AGBL1: variants seen among roughly 807,000 people sequenced by gnomAD.
AGBL1 encodes cytosolic carboxypeptidase 4.
AGBL1 carries 130 observed loss-of-function variants against 118.9 expected under a neutral mutation model. The observed-to-expected ratio is 1.09, with a 90% CI of 0.95 to 1.26. The LOEUF is 1.26. Among genes scored for constraint, AGBL1 ranks in the 50% most tolerant of loss-of-function variants. The pLI is 0.00. For synonymous variants in AGBL1, 555 were observed against 478.9 expected, an observed-to-expected ratio of 1.16 and a Z score of -2.08; for missense variants, 1,584 against 1,298.1, an observed-to-expected ratio of 1.22 and a Z score of -3.38.
rs553665767 is a variant in AGBL1 at position 86,303,350 on chromosome 15, AGGGAG to A, written c.2374+7946_2374+7950del. Among the ~76,000 whole-genome samples the A allele has an allele frequency of 3.9e-5, 6 of 152,224 alleles. No individual in the cohort carries two copies. The South Asian group carries it at 1.2e-3, about 32-fold the overall frequency. ...AGGAAGATAGGTCTAGGGAAATGGG[AGGGAG>A]GGGCCTAAATTTAAGAGATGTGTCT... On this transcript the variant is annotated intron_variant, in intron 17 of 22. Coordinates refer to ENST00000614907, the MANE Select transcript of AGBL1 (RefSeq NM_001386094.1).
intron 5 of AGBL1, among the ~76,000 whole-genome samples, chr15:86,171,204 A>G (rs1285685196): frequency 1.3e-5 from 2 of 152,220 alleles, no homozygotes; most frequent in African/African-American, 2.4e-5. Flanking sequence ...TCAAAAGACC[A>G]AGGAGCACTA....
intron 17 of AGBL1, chr15:86,296,103 T>A (rs141790514): frequency 6.6e-6 from 1 of 151,740 alleles, no homozygotes; most frequent in African/African-American, 2.4e-5. Flanking sequence ...CACACAAACA[T>A]CTTTAAATGT....
intron 5 of AGBL1, among the ~76,000 whole-genome samples, chr15:86,166,401 T>A (rs2077342506): frequency 6.6e-6 from 1 of 152,204 alleles, no homozygotes; most frequent in Non-Finnish European, 1.5e-5. Context: ...GCCTTTATAA[T>A]GCCTTTCTCA....
chr15:86,498,969 T>C (rs1454299631), intron 18 of AGBL1, among the ~76,000 whole-genome samples: 1 of 151,850 alleles, frequency 6.6e-6, no homozygotes, highest in African/African-American at 2.4e-5. Context: ...GAAAAGGGGA[T>C]TTGGTGCAAC....
intron 5 of AGBL1, among the ~76,000 whole-genome samples, chr15:86,202,726 C>T (rs1369007008): frequency 6.6e-6 from 1 of 152,174 alleles, no homozygotes; most frequent in African/African-American, 2.4e-5. Flanking sequence ...GGAGCTGGGT[C>T]ACCATACTGG....
At chr15:86,573,375 A>G (rs1406742397) in intron 21 of AGBL1, among the ~76,000 whole-genome samples, 3 of 152,252 alleles carry the variant, frequency 2.0e-5, no homozygotes, top group Non-Finnish European at 4.4e-5. Context: ...TTAAGTAAGC[A>G]ATAACAGCAG....
chr15:86,703,671 C>G lies in AGBL1; in HGVS notation c.3158+29235C>G, dbSNP rs117719020. Among the ~76,000 whole-genome samples the G allele has an allele frequency of 1.7e-3, 266 of 152,098 alleles. 4 individuals are homozygous for G. In the East Asian group the frequency reaches 0.022, roughly 13 times the overall value. ...GATGGTTTTTTCCCATGCTGTTCTT[C>G]TGCTAGTGAATAAATCTCATGAGAT... On this transcript the variant is annotated intron_variant, in intron 22 of 22. Transcript: ENST00000614907.
At chr15:86,924,860 A>C (rs2080514770) in intron 23 of AGBL1, among the ~76,000 whole-genome samples, 1 of 151,922 alleles carries the variant, frequency 6.6e-6, no homozygotes, top group Non-Finnish European at 1.5e-5. Flanking sequence ...TGGATCACAA[A>C]GTCAGGAGAT....
At chr15:86,791,206 C>T (rs2141330053) in intron 22 of AGBL1, among the ~76,000 whole-genome samples, 1 of 152,296 alleles carries the variant, frequency 6.6e-6, no homozygotes, top group South Asian at 2.1e-4. Flanking sequence ...CTTTAGTAAG[C>T]TACTTAGGTC....
At chr15:86,847,808 G>A (rs2141451721) in intron 22 of AGBL1, among the ~76,000 whole-genome samples, 1 of 152,292 alleles carries the variant, frequency 6.6e-6, no homozygotes, top group Non-Finnish European at 1.5e-5. Flanking sequence ...TACCTTAAAT[G>A]TGTGCACAGC....
At chr15:86,787,082 A>T (rs1400087091) in intron 22 of AGBL1, among the ~76,000 whole-genome samples, 2 of 152,192 alleles carry the variant, frequency 1.3e-5, no homozygotes, top group Non-Finnish European at 2.9e-5. Flanking sequence ...TTTTGTACTA[A>T]TCAAATATTT....
Position 86,912,772 on chromosome 15 carries a change from C to T in AGBL1, c.*5478C>T, listed in dbSNP as rs1339583623. On this transcript the variant is annotated 3_prime_UTR_variant, in exon 23 of 23. Coordinates refer to ENST00000614907, the MANE Select transcript of AGBL1 (RefSeq NM_001386094.1). ...CAGAAGAATGACTCGCATGGTGGAT[C>T]TCAGCATTTGGATTTGCATTAAAAT... 6.6e-6 allele frequency: 1 copy of T among 152,186 alleles called. No homozygotes were observed. The highest frequency in any genetic ancestry group is 1.5e-5 in the Non-Finnish European group (1 of 68,060). 9.4% of individuals were successfully genotyped at this position (152,186 alleles called of 1,614,324 possible). A position where few individuals can be genotyped will look rare whatever the true frequency, so the allele number is the denominator to read the frequency against.
At chr15:86,682,570 C>T (rs1233050540) in intron 22 of AGBL1, among the ~76,000 whole-genome samples, 1 of 151,994 alleles carries the variant, frequency 6.6e-6, no homozygotes, top group African/African-American at 2.4e-5. Flanking sequence ...TCATTTGATC[C>T]TCTGTTTACA....
At chr15:86,201,422 C>A (rs925428952) in intron 5 of AGBL1, among the ~76,000 whole-genome samples, 1 of 152,168 alleles carries the variant, frequency 6.6e-6, no homozygotes, top group Non-Finnish European at 1.5e-5. Flanking sequence ...ATAGCAAGCA[C>A]AGTGTCCTGA....
chr15:86,093,952 G>A (rs1176380146), intron 1 of AGBL1, among the ~76,000 whole-genome samples: 2 of 152,108 alleles, frequency 1.3e-5, no homozygotes, highest in African/African-American at 4.8e-5. Flanking sequence ...CTGCCTTTAA[G>A]TGTCTGTTGA....
chr15:86,503,281 A>G (rs1175147170), intron 18 of AGBL1, among the ~76,000 whole-genome samples: 1 of 151,382 alleles, frequency 6.6e-6, no homozygotes, highest in Non-Finnish European at 1.5e-5. Context: ...GGTCATTAGT[A>G]ATGTTCCCTC....
At chr15:86,419,587 G>A (rs1239609739) in intron 18 of AGBL1, among the ~76,000 whole-genome samples, 1 of 151,054 alleles carries the variant, frequency 6.6e-6, no homozygotes, top group African/African-American at 2.4e-5. Flanking sequence ...TCATACCAAA[G>A]TGGTGCAGGA....
At chr15:86,988,049 C>G (rs755664917) in exon 24 of AGBL1, 1 of 1,613,620 alleles carries the variant, frequency 6.2e-7, no homozygotes, top group East Asian at 2.2e-5. Flanking sequence ...TTTGCCATTA[C>G]AAACTTTTTC....
At chr15:86,564,284 A>G (rs1470399462) in intron 21 of AGBL1, among the ~76,000 whole-genome samples, 3 of 152,040 alleles carry the variant, frequency 2.0e-5, no homozygotes, top group African/African-American at 4.8e-5. Flanking sequence ...GTTCCTTTCC[A>G]TGTTTAGTGC....
Sources: allele counts gnomAD v4.1 joint callset (sites outside exome capture counted in the v4.1 genomes callset), GRCh38; gene constraint gnomAD v4.1.1; transcripts MANE v1.5; gene names NCBI Gene and HGNC (gene_info 2026-07-23, HGNC 2026-07-21).